Variants in DEAF1 observed in about 807,000 individuals in gnomAD.
The protein encoded by DEAF1 is DEAF1 transcription factor, also known as deformed epidermal autoregulatory factor 1 homolog.
A neutral mutation model predicts 58.9 loss-of-function variants in DEAF1; 53 were observed. The observed-to-expected ratio is 0.90, with a 90% CI of 0.72 to 1.13. The LOEUF is 1.13. Ranked by LOEUF, DEAF1 falls within the 50% of genes most tolerant of loss-of-function variation. The probability of loss-of-function intolerance (pLI) is 0.00; values close to 1 mark genes in which losing one functional copy is unlikely to be tolerated. For missense variants in DEAF1, 685 were observed against 791.4 expected (o/e 0.87, Z 1.61); for synonymous variants, 385 against 340.4 (o/e 1.13, Z -1.44).
chr11:695,534 G>T, upstream of DEAF1: 1 of 1,143,726 alleles, frequency 8.7e-7, no homozygotes, highest in Non-Finnish European at 1.1e-6. Flanking sequence ...CGCGGGTTTC[G>T]CCCGTTCCCG....
At chr11:706,284 G>T (rs11246276) in intron 1 of DEAF1, 28,736 of 152,074 alleles carry the variant, frequency 0.19, 3,066 homozygotes, top group African/African-American at 0.28. Context: ...GGGCGCCGGA[G>T]GCAGGTGAGC....
intron 10 of DEAF1, among the ~76,000 whole-genome samples, chr11:655,246 G>A (rs539811324): frequency 1.1e-4 from 17 of 152,300 alleles, no homozygotes; most frequent in African/African-American, 3.1e-4. Context: ...AAACTGCTGC[G>A]GCGGTGCCCC....
intron 11 of DEAF1, among the ~76,000 whole-genome samples, chr11:649,815 C>T (rs1247874818): frequency 6.6e-6 from 1 of 152,058 alleles, no homozygotes. Flanking sequence ...CACCTGAGGT[C>T]AGGAGTTCGA....
At chr11:704,712 G>C in intron 1 of DEAF1, 1 of 1,218,688 alleles carries the variant, frequency 8.2e-7, no homozygotes, top group South Asian at 1.3e-5. Context: ...CACAGGGAAC[G>C]CCATGGCTCC....
intron 11 of DEAF1, among the ~76,000 whole-genome samples, chr11:652,442 A>C (rs1858819028): frequency 6.6e-6 from 1 of 152,190 alleles, no homozygotes; most frequent in Admixed American, 6.6e-5. Context: ...GTTTGAGACC[A>C]GCCTGGGCAA....
At chr11:697,026 G>C (rs1156790318), upstream of DEAF1, among the ~76,000 whole-genome samples, 4 of 151,604 alleles carry the variant, frequency 2.6e-5, no homozygotes, top group Admixed American at 2.0e-4. Flanking sequence ...GGGGGGGGTG[G>C]GGTGCGGAGG....
intron 1 of DEAF1, chr11:694,511 G>C (rs1861006842): frequency 2.8e-6 from 1 of 362,358 alleles, no homozygotes; most frequent in East Asian, 4.2e-5. Context: ...GGTGGGGCAG[G>C]TGTGAGAGGC....
upstream of DEAF1, chr11:698,848 C>A: frequency 6.2e-7 from 1 of 1,614,120 alleles, no homozygotes; most frequent in Middle Eastern, 1.6e-4. Context: ...AGGCCTTGCT[C>A]ACGGCCCCTT....
At chr11:649,332 G>C (rs1406512214) in intron 11 of DEAF1, among the ~76,000 whole-genome samples, 1 of 151,996 alleles carries the variant, frequency 6.6e-6, no homozygotes, top group Non-Finnish European at 1.5e-5. Flanking sequence ...TGAAGGAGGA[G>C]TATTGCTTGA....
At chr11:692,277 T>C in intron 1 of DEAF1, 1 of 160,242 alleles carries the variant, frequency 6.2e-6, no homozygotes, top group South Asian at 1.8e-4. Context: ...CCCCACCTCC[T>C]GCCCCTGTCA....
At chr11:678,888 C>T (rs572109790) in intron 8 of DEAF1, 66 bp from the exon 9 acceptor site, 83 of 1,599,350 alleles carry the variant, frequency 5.2e-5, no homozygotes, top group African/African-American at 9.4e-5. Context: ...CTAAATATCA[C>T]GCTGTATGGC....
rs576708381 is a variant in DEAF1, at chr11:653,829, G to A, written c.1593+133C>T. 1,565 of 799,476 alleles carry A rather than the reference G, an allele frequency of 2.0e-3. 25 individuals are homozygous for A. The Middle Eastern group carries it at 0.039, about 20-fold the overall frequency. The allele number at this position is 799,476 out of a possible 1,614,324, so 49.5% of individuals were successfully genotyped here. A position where few individuals can be genotyped will look rare whatever the true frequency, so the allele number is the denominator to read the frequency against. On this transcript the variant is annotated intron_variant, in intron 11 of 11. Transcript: ENST00000382409. ...CTTCACGGAGCCAGGCAGGAGCCCCGGATTCCCAGAGGGAGGGACAGGGAG... is the reference window on the plus strand; with the variant it reads ...CTTCACGGAGCCAGGCAGGAGCCCCAGATTCCCAGAGGGAGGGACAGGGAG...
At position 653,454 on chromosome 11, in the gene DEAF1, T is replaced by TTC. The variant is rs779417224; in HGVS notation, c.1593+507_1593+508insGA. On this transcript the variant is annotated intron_variant, in intron 11 of 11. Transcript: ENST00000382409. ...TCTCTCTCGCGTGGCTCTGCAGGGG[T>TTC]GTGGAGGGCTCAATAATAGAAGAAC... 5.0e-3 allele frequency among the ~76,000 whole-genome samples: 601 copies of TTC among 120,726 alleles called. 1 individual carries two copies. Among genetic ancestry groups the TTC allele is most frequent in the Admixed American group, 8.4e-3 (93 of 11,084 alleles). The allele number at this position is 120,726 out of a possible 152,430, so 79.2% of individuals were successfully genotyped here. A position where few individuals can be genotyped will look rare whatever the true frequency, so the allele number is the denominator to read the frequency against.
chr11:644,608 G>T lies in DEAF1; in HGVS notation c.1640C>A (p.Thr547Asn). The T allele has an allele frequency of 6.2e-7, 1 of 1,613,024 alleles. No individual in the cohort carries two copies. Among genetic ancestry groups the T allele is most frequent in the African/African-American group, 1.3e-5 (1 of 75,046 alleles). ...CACGTGGACTTCGTCTGCCTGGACG[G>T]TGACAGCTGCTGACTGGCCGCATAT... ...QHICGQSAAV[T>N]VQADEVHVAE... is the part of the protein sequence containing the mutation. Residue 547 changes from threonine (T) to asparagine (N), a missense_variant, in exon 12 of 12, where the codon ACC becomes AAC. This residue lies in a region of DEAF1 where 343 missense variants were observed against 379.8 expected (regional missense o/e 0.90). Coordinates refer to ENST00000382409, the MANE Select transcript of DEAF1 (RefSeq NM_021008.4). This position sits in a 1 kb window ranked among gnomAD's most constrained non-coding sequence, Gnocchi z 4.3.
intron 9 of DEAF1, among the ~76,000 whole-genome samples, chr11:676,931 G>A (rs1406103528): frequency 1.3e-5 from 2 of 152,136 alleles, no homozygotes; most frequent in Non-Finnish European, 2.9e-5. Flanking sequence ...GCACAAACAC[G>A]CACACGTGCA....
chr11:685,046 T>A, intron 5 of DEAF1, 83 bp from the exon 6 acceptor site: 1 of 1,064,352 alleles, frequency 9.4e-7, no homozygotes, highest in Non-Finnish European at 1.4e-6. Context: ...TTCAACCACT[T>A]TTACCACTTA....
chr11:644,890 C>T lies in DEAF1; in HGVS notation c.1594-236G>A, dbSNP rs562979781. On this transcript the variant is annotated intron_variant, in intron 11 of 11. Transcript: ENST00000382409. This position sits in a 1 kb window ranked among gnomAD's most constrained non-coding sequence, Gnocchi z 4.3. ...CAAAAGGCAAACAACAGGCAGGGCA[C>T]GGTGGCTCACGCCTGTAATCCCAAC... is the stretch of plus-strand genomic sequence containing the variant. 2.3e-4 allele frequency among the ~76,000 whole-genome samples: 35 copies of T among 152,302 alleles called. No individual in the cohort carries two copies. The highest frequency in any genetic ancestry group is 3.5e-4 in the Non-Finnish European group (24 of 68,034).
At chr11:655,501 G>A (rs1048343260) in intron 10 of DEAF1, among the ~76,000 whole-genome samples, 1 of 151,980 alleles carries the variant, frequency 6.6e-6, no homozygotes, top group African/African-American at 2.4e-5. Context: ...AGGCCTTGGC[G>A]CCGCGACCTG....
upstream of DEAF1, chr11:695,295 G>T (rs888194753): frequency 4.3e-6 from 2 of 464,330 alleles, no homozygotes; most frequent in Non-Finnish European, 7.5e-6. Flanking sequence ...CCGCCGAGCC[G>T]AGACCGAGTC....
Sources: allele counts gnomAD v4.1 joint callset (sites outside exome capture counted in the v4.1 genomes callset), GRCh38; gene constraint gnomAD v4.1.1; regional missense constraint gnomAD v4.1.1; non-coding constraint Gnocchi (gnomAD v3.1); transcripts MANE v1.5; gene names NCBI Gene and HGNC (gene_info 2026-07-23, HGNC 2026-07-21).